The following ANK3 variants were observed in gnomAD, a reference collection of about 807,000 sequenced individuals.
ANK3 encodes ankyrin-3.
ANK3 carries 57 observed loss-of-function variants against 370.9 expected under a neutral mutation model. The ratio of observed to expected loss-of-function variants is 0.15; its 90% CI spans 0.12 to 0.19. ANK3 has a LOEUF of 0.19. ANK3 is among the 10% of genes least tolerant of loss of function. ANK3 has a pLI of 1.00. For synonymous variants in ANK3, 1,929 were observed against 1,946.3 expected, an observed-to-expected ratio of 0.99 and a Z score of 0.23; for missense variants, 4,439 against 5,302.1, an observed-to-expected ratio of 0.84 and a Z score of 5.06.
intron 2 of ANK3, among the ~76,000 whole-genome samples, chr10:60,477,973 T>C (rs1318723679): frequency 3.9e-5 from 6 of 152,088 alleles, no homozygotes; most frequent in African/African-American, 1.4e-4. Flanking sequence ...AAACTTAAAA[T>C]ATATAATTGA....
chr10:60,525,973 G>A (rs2133190962), intron 2 of ANK3, among the ~76,000 whole-genome samples: 1 of 152,212 alleles, frequency 6.6e-6, no homozygotes. Context: ...CTCTTTCAGA[G>A]ATTGCAGAGA....
At chr10:60,196,339 G>T in intron 15 of ANK3, 96 bp from the exon 16 acceptor site, 2 of 1,159,948 alleles carry the variant, frequency 1.7e-6, no homozygotes, top group South Asian at 2.7e-5. Context: ...TACGACATAG[G>T]GCATATTTAC....
At chr10:60,521,187 C>T (rs532840471) in intron 2 of ANK3, among the ~76,000 whole-genome samples, 86 of 152,136 alleles carry the variant, frequency 5.7e-4, no homozygotes, top group African/African-American at 2.0e-3. Flanking sequence ...CTTTGTAGAA[C>T]ATCTATATGT....
chr10:60,335,232 G>A (rs1291616437), intron 1 of ANK3, among the ~76,000 whole-genome samples: 1 of 152,056 alleles, frequency 6.6e-6, no homozygotes, highest in Non-Finnish European at 1.5e-5. Flanking sequence ...TAAGGGAAGC[G>A]AGGGTTACTA....
At chr10:60,138,537 CTT>C (rs1176136567) in intron 24 of ANK3, 2 of 403,970 alleles carry the variant, frequency 5.0e-6, no homozygotes, top group African/African-American at 2.1e-5. Context: ...AAAATGCTCT[CTT>C]TTAATCATGA....
intron 2 of ANK3, among the ~76,000 whole-genome samples, chr10:60,405,540 T>C (rs573503251): frequency 1.2e-4 from 18 of 152,330 alleles, no homozygotes; most frequent in African/African-American, 3.8e-4. Flanking sequence ...GGGGTGATAG[T>C]AATGTTTTGT....
intron 1 of ANK3, among the ~76,000 whole-genome samples, chr10:60,702,743 A>T (rs2079561165): frequency 6.6e-6 from 1 of 152,228 alleles, no homozygotes. Context: ...TATAATCAGA[A>T]TATCATCATT....
At chr10:60,205,705 T>G in intron 11 of ANK3, 87 bp downstream of exon 11, 1 of 944,916 alleles carries the variant, frequency 1.1e-6, no homozygotes, top group South Asian at 1.3e-5. Context: ...ACAAACTAGC[T>G]GGTCCCTGGA....
intron 2 of ANK3, among the ~76,000 whole-genome samples, chr10:60,588,741 T>C (rs777704416): frequency 1.2e-4 from 10 of 84,142 alleles, no homozygotes; most frequent in Non-Finnish European, 2.8e-4. Flanking sequence ...ACCTTGTCTC[T>C]ACAGAAAATA....
intron 2 of ANK3, among the ~76,000 whole-genome samples, chr10:60,535,877 T>C (rs914529836): frequency 1.3e-5 from 2 of 151,760 alleles, no homozygotes; most frequent in Admixed American, 1.3e-4. Context: ...GCAATGATAA[T>C]GAAACAATGG....
At chr10:60,618,383 T>C (rs1434505469) in intron 1 of ANK3, among the ~76,000 whole-genome samples, 1 of 152,214 alleles carries the variant, frequency 6.6e-6, no homozygotes, top group Non-Finnish European at 1.5e-5. Context: ...TTATTATCTG[T>C]AGAAATATTT....
At chr10:60,042,330 C>T (rs1031738530) in intron 43 of ANK3, among the ~76,000 whole-genome samples, 29 of 152,104 alleles carry the variant, frequency 1.9e-4, no homozygotes, top group South Asian at 2.1e-4. Flanking sequence ...AAGAAGTATT[C>T]GTTGCCAAAT....
rs370711252 is a variant in ANK3, at chr10:60,074,369, T to C, written c.6512A>G (p.His2171Arg). ...VITETRTEVV[H>R]VIRSYDPSAG... is the part of the protein sequence containing the mutation. ...TGAGGGATCATAGCTCCTGATAACATGAACCACTTCAGTTCTTGTTTCTGT... is the reference window on the plus strand; with the variant it reads ...TGAGGGATCATAGCTCCTGATAACACGAACCACTTCAGTTCTTGTTTCTGT... Residue 2171 changes from histidine (H) to arginine (R), a missense_variant, in exon 37 of 44, where the codon CAT becomes CGT. Coordinates refer to ENST00000280772, the MANE Select transcript of ANK3 (RefSeq NM_020987.5). 1.2e-6 allele frequency: 2 copies of C among 1,614,074 alleles called. No individual in the cohort carries two copies. Among genetic ancestry groups the C allele is most frequent in the South Asian group, 1.1e-5 (1 of 91,064 alleles).
rs1184644018 is a variant in ANK3 at position 60,072,730 on chromosome 10, G to A, written c.8151C>T (p.Ser2717=). The change falls in exon 37 of 44, where the codon TCC becomes TCT. Residue 2717 remains serine, a synonymous_variant. Coordinates refer to ENST00000280772, the MANE Select transcript of ANK3 (RefSeq NM_020987.5). The stretch of plus-strand genomic sequence containing the variant: ...TGCCTTGTTCAAATTTTAATCTAAT[G>A]GAACTGAGTTTAGATTGTTTGAGCT... ...GFQLKQSKLS[S]IRLKFEQGTH... 6 of 1,613,966 alleles carry A rather than the reference G, an allele frequency of 3.7e-6. No homozygotes were observed. Among genetic ancestry groups the A allele is most frequent in the South Asian group, 1.1e-5 (1 of 91,050 alleles).
chr10:60,564,336 C>T (rs1213609801), intron 2 of ANK3, among the ~76,000 whole-genome samples: 5 of 152,138 alleles, frequency 3.3e-5, no homozygotes, highest in South Asian at 2.1e-4. Flanking sequence ...GCACTGAACA[C>T]GTGACCATGC....
At chr10:60,603,135 T>G (rs2078086710) in intron 2 of ANK3, among the ~76,000 whole-genome samples, 1 of 152,158 alleles carries the variant, frequency 6.6e-6, no homozygotes, top group East Asian at 1.9e-4. Flanking sequence ...TTTTATGGTT[T>G]GATTTAAAAT....
At chr10:60,572,646 G>A (rs1595304373) in intron 2 of ANK3, 1 of 1,457,192 alleles carries the variant, frequency 6.9e-7, no homozygotes, top group Non-Finnish European at 9.0e-7. Flanking sequence ...TGCTCCCCAG[G>A]CAAAGCAGCC....
At chr10:60,452,193 GCT>G (rs1241433150) in intron 2 of ANK3, among the ~76,000 whole-genome samples, 1 of 152,234 alleles carries the variant, frequency 6.6e-6, no homozygotes, top group Non-Finnish European at 1.5e-5. Context: ...GGACTGATCA[GCT>G]CTGGAATTCT....
chr10:60,030,666 G>A (rs1389893334), intron 43 of ANK3, among the ~76,000 whole-genome samples: 1 of 152,192 alleles, frequency 6.6e-6, no homozygotes, highest in Non-Finnish European at 1.5e-5. Context: ...GTCAGATCAT[G>A]CCTCATTACC....
Sources: allele counts gnomAD v4.1 joint callset (sites outside exome capture counted in the v4.1 genomes callset), GRCh38; gene constraint gnomAD v4.1.1; transcripts MANE v1.5; gene names NCBI Gene and HGNC (gene_info 2026-07-23, HGNC 2026-07-21).